RABGAP1L: variants seen among roughly 807,000 people sequenced by gnomAD.
RABGAP1L encodes RAB GTPase activating protein 1 like.
RABGAP1L carries 63 observed loss-of-function variants against 137.7 expected under a neutral mutation model. The ratio of observed to expected loss-of-function variants is 0.46; its 90% confidence interval spans 0.37 to 0.56. The LOEUF is 0.56. RABGAP1L is among the 20% of genes least tolerant of loss of function. The probability of loss-of-function intolerance (pLI) is 0.00; values close to 1 mark genes in which losing one functional copy is unlikely to be tolerated. For synonymous variants in RABGAP1L, 431 were observed against 433.7 expected (o/e 0.99, Z 0.08); for missense variants, 1,095 against 1,244.0 (o/e 0.88, Z 1.80).
chr1:174,259,839 T>A (rs1250407475), intron 7 of RABGAP1L, among the ~76,000 whole-genome samples: 2 of 148,086 alleles, frequency 1.4e-5, no homozygotes, highest in African/African-American at 4.9e-5. Flanking sequence ...ATTACTGCAT[T>A]TTTTTTTTTT....
chr1:174,816,820 C>T (rs931965099), intron 19 of RABGAP1L, among the ~76,000 whole-genome samples: 1 of 151,876 alleles, frequency 6.6e-6, no homozygotes, highest in African/African-American at 2.4e-5. Context: ...CAACCTTCGC[C>T]TCCCTGGTTC....
intron 18 of RABGAP1L, among the ~76,000 whole-genome samples, chr1:174,755,029 C>G (rs559818510): frequency 6.6e-6 from 1 of 152,150 alleles, no homozygotes; most frequent in Non-Finnish European, 1.5e-5. Context: ...ACATCTAATT[C>G]TTCCCCCAGC....
At chr1:174,291,890 C>A (rs1312282193) in intron 10 of RABGAP1L, among the ~76,000 whole-genome samples, 1 of 151,222 alleles carries the variant, frequency 6.6e-6, no homozygotes, top group Non-Finnish European at 1.5e-5. Flanking sequence ...AGCCAGATTT[C>A]GGGTGGTTTG....
At chr1:174,550,759 C>G (rs1666369962) in intron 13 of RABGAP1L, among the ~76,000 whole-genome samples, 1 of 149,136 alleles carries the variant, frequency 6.7e-6, no homozygotes, top group Non-Finnish European at 1.5e-5. Context: ...GTGGCTCACA[C>G]CTGTAATCCC....
At chr1:174,265,837 T>C (rs1674022595) in intron 7 of RABGAP1L, among the ~76,000 whole-genome samples, 1 of 152,136 alleles carries the variant, frequency 6.6e-6, no homozygotes, top group Non-Finnish European at 1.5e-5. Context: ...ATTCTTCTTT[T>C]ATAGCCTATC....
intron 1 of RABGAP1L, among the ~76,000 whole-genome samples, chr1:174,209,002 G>A (rs1161922234): frequency 6.6e-6 from 1 of 152,090 alleles, no homozygotes; most frequent in African/African-American, 2.4e-5. Context: ...TGTTGTCCAC[G>A]GAATGGGGGC....
intron 13 of RABGAP1L, among the ~76,000 whole-genome samples, chr1:174,505,958 G>C (rs1243650778): frequency 6.6e-6 from 1 of 152,136 alleles, no homozygotes; most frequent in Non-Finnish European, 1.5e-5. Flanking sequence ...ATACCATCCA[G>C]CCTTTAAAAA....
At chr1:174,683,474 A>C in intron 14 of RABGAP1L, 48 bp from the exon 15 acceptor site, 1 of 1,468,586 alleles carries the variant, frequency 6.8e-7, no homozygotes, top group Non-Finnish European at 9.5e-7. Flanking sequence ...ATTTAAGTTA[A>C]AATCTGTGAC....
At chr1:174,219,699 G>A (rs1456105586) in intron 2 of RABGAP1L, among the ~76,000 whole-genome samples, 1 of 152,042 alleles carries the variant, frequency 6.6e-6, no homozygotes, top group African/African-American at 2.4e-5. Flanking sequence ...GTAACGTTCC[G>A]TTGTGTGATT....
chr1:174,574,763 G>A (rs1460088285), intron 13 of RABGAP1L, among the ~76,000 whole-genome samples: 3 of 152,034 alleles, frequency 2.0e-5, no homozygotes, highest in African/African-American at 4.8e-5. Flanking sequence ...TTTAATTTTG[G>A]TCATATTTCA....
chr1:174,649,413 C>T (rs183145933), intron 14 of RABGAP1L, among the ~76,000 whole-genome samples: 13 of 152,134 alleles, frequency 8.5e-5, no homozygotes, highest in African/African-American at 1.9e-4. Context: ...CAAAATCCCT[C>T]GGCGATGGCT....
chr1:174,805,239 C>T (rs1006016747), intron 18 of RABGAP1L, among the ~76,000 whole-genome samples: 1 of 152,188 alleles, frequency 6.6e-6, no homozygotes, highest in Admixed American at 6.5e-5. Flanking sequence ...AGGATACTTA[C>T]ATTAACATTC....
In RABGAP1L at chr1:174,711,106, C is replaced by T. The variant is rs946987815; in HGVS notation, c.2169+8850C>T. Among the ~76,000 whole-genome samples the T allele has an allele frequency of 9.9e-5, 15 of 152,264 alleles. 1 individual carries two copies. The East Asian group carries it at 2.7e-3, about 28-fold the overall frequency. On this transcript the variant is annotated intron_variant, in intron 17 of 25. Transcript: ENST00000681986. ...GTGCTAAGCCCCTCACTGTCTGGGGCCGGCAGGGCCAGCTGGCCGCTGTGA... is the reference window on the plus strand; with the variant it reads ...GTGCTAAGCCCCTCACTGTCTGGGGTCGGCAGGGCCAGCTGGCCGCTGTGA...
At chr1:174,429,023 AAAATT>A (rs1445556961) in intron 13 of RABGAP1L, among the ~76,000 whole-genome samples, 3 of 152,200 alleles carry the variant, frequency 2.0e-5, no homozygotes, top group Non-Finnish European at 2.9e-5. Context: ...ACAGCTATGT[AAAATT>A]AAATTAGGTT....
intron 13 of RABGAP1L, among the ~76,000 whole-genome samples, chr1:174,579,981 G>C (rs1668618893): frequency 6.6e-6 from 1 of 152,144 alleles, no homozygotes. Context: ...GGCTGGTCTT[G>C]AACTCCTGAC....
intron 13 of RABGAP1L, among the ~76,000 whole-genome samples, chr1:174,585,148 C>T (rs896884406): frequency 1.3e-5 from 2 of 151,946 alleles, no homozygotes; most frequent in Non-Finnish European, 2.9e-5. Context: ...AAAATTTCTC[C>T]TGTTGCTTTT....
At position 174,902,321 on chromosome 1, in the gene RABGAP1L, C is replaced by T. The variant is rs540876766; in HGVS notation, c.2341-55136C>T. Among the ~76,000 whole-genome samples the T allele has an allele frequency of 2.0e-5, 3 of 152,304 alleles. No individual in the cohort carries two copies. In the East Asian group the frequency reaches 5.8e-4, roughly 29 times the overall value. ...ACTGAACCATAGAGGTGGTGGCTGCCTCTCCCCCCCAGGAACTCAGAGTTG... is the reference window on the plus strand; with the variant it reads ...ACTGAACCATAGAGGTGGTGGCTGCTTCTCCCCCCCAGGAACTCAGAGTTG... On this transcript the variant is annotated intron_variant, in intron 19 of 25. Transcript: ENST00000681986.
intron 11 of RABGAP1L, among the ~76,000 whole-genome samples, chr1:174,311,335 A>G (rs542645933): frequency 6.6e-6 from 1 of 152,282 alleles, no homozygotes; most frequent in South Asian, 2.1e-4. Context: ...TGAGAATAGT[A>G]TGGGGGAAAC....
Position 174,957,678 on chromosome 1 carries a change from A to G in RABGAP1L, c.2433+129A>G, listed in dbSNP as rs972924241. 15 of 956,670 alleles carry G rather than the reference A, an allele frequency of 1.6e-5. No homozygotes were observed. In the East Asian group the frequency reaches 2.9e-4, roughly 18 times the overall value. The allele number at this position is 956,670 out of a possible 1,614,324, so 59.3% of individuals were successfully genotyped here. On this transcript the variant is annotated intron_variant, in intron 20 of 25. Transcript: ENST00000681986. ...GCAATCCTCCCACTCCAGTCTCCCAAGTAGCTGGGATTACAGGCACGAGCC... is the reference window on the plus strand; with the variant it reads ...GCAATCCTCCCACTCCAGTCTCCCAGGTAGCTGGGATTACAGGCACGAGCC...
Sources: allele counts gnomAD v4.1 joint callset (sites outside exome capture counted in the v4.1 genomes callset), GRCh38; gene constraint gnomAD v4.1.1; transcripts MANE v1.5; gene names NCBI Gene and HGNC (gene_info 2026-07-23, HGNC 2026-07-21).